Variants in JOSD1 observed in about 807,000 individuals in gnomAD.
JOSD1 encodes the protein josephin-1.
A neutral mutation model predicts 24.3 loss-of-function variants in JOSD1; 11 were observed. The ratio of observed to expected loss-of-function variants is 0.45; its 90% CI spans 0.29 to 0.75. The LOEUF (loss-of-function observed/expected upper bound fraction) is 0.75. JOSD1 is among the 30% of genes least tolerant of loss of function. The pLI is 0.11. For synonymous variants in JOSD1, 106 were observed against 93.8 expected (o/e 1.13, Z -0.75); for missense variants, 184 against 253.5 (o/e 0.73, Z 1.86).
intron 2 of JOSD1, among the ~76,000 whole-genome samples, chr22:38,691,342 G>C (rs1356767945): frequency 6.8e-6 from 1 of 146,410 alleles, no homozygotes; most frequent in Non-Finnish European, 1.5e-5. Flanking sequence ...GGGTGATAGA[G>C]TAAGACCCTG....
chr22:38,688,818 A>G, intron 4 of JOSD1, 117 bp downstream of exon 4: 1 of 927,004 alleles, frequency 1.1e-6, no homozygotes, highest in South Asian at 1.6e-5. Flanking sequence ...AGGCAGGGAG[A>G]GAATCCAAGG....
chr22:38,687,978 C>T lies in JOSD1; in HGVS notation c.533G>A (p.Arg178Gln), dbSNP rs376164340. 1.2e-5 allele frequency: 20 copies of T among 1,613,390 alleles called. No individual in the cohort carries two copies. The highest frequency in any genetic ancestry group is 2.2e-5 in the East Asian group (1 of 44,890). ...ELRKFLKHHLRGKNCELLLVV... is the reference protein window; with the variant it reads ...ELRKFLKHHLQGKNCELLLVV... ...CAGCAGGAGTTCACAGTTCTTTCCT[C>T]GCAAATGATGTTTTAGAAACTTCCT... The change falls in exon 5 of 5, where the codon CGA becomes CAA. Residue 178 changes from arginine (R) to glutamine (Q), a missense_variant. Transcript: ENST00000683374.
intron 2 of JOSD1, among the ~76,000 whole-genome samples, chr22:38,689,665 C>A (rs985435372): frequency 6.6e-6 from 1 of 152,138 alleles, no homozygotes; most frequent in Non-Finnish European, 1.5e-5. Flanking sequence ...GATTTTCCTG[C>A]CTCATGCAAG....
intron 4 of JOSD1, 28 bp downstream of exon 4, chr22:38,688,907 C>T: frequency 1.9e-6 from 3 of 1,594,120 alleles, no homozygotes; most frequent in Non-Finnish European, 2.6e-6. Context: ...AGCAGCCTAG[C>T]AACTTAGTCA....
intron 4 of JOSD1, among the ~76,000 whole-genome samples, chr22:38,688,339 T>C (rs2092507085): frequency 6.6e-6 from 1 of 152,228 alleles, no homozygotes; most frequent in South Asian, 2.1e-4. Context: ...CTCGGCTCAC[T>C]GCAACCTCTG....
At chr22:38,689,455 T>C in intron 2 of JOSD1, 31 bp from the exon 3 acceptor site, 1 of 1,612,808 alleles carries the variant, frequency 6.2e-7, no homozygotes, top group Non-Finnish European at 8.5e-7. Context: ...GGGCTGAGAC[T>C]TGCTGGATGC....
intron 2 of JOSD1, among the ~76,000 whole-genome samples, chr22:38,691,006 C>G (rs2092519511): frequency 1.3e-5 from 2 of 152,104 alleles, no homozygotes; most frequent in African/African-American, 4.8e-5. Context: ...ACCACTGCAT[C>G]CAGCCTGGGT....
intron 1 of JOSD1, 83 bp downstream of exon 1, chr22:38,700,717 G>C: frequency 2.0e-6 from 2 of 977,276 alleles, no homozygotes; most frequent in Non-Finnish European, 1.2e-6. Context: ...GCGGCGAAGG[G>C]CTGGCCCGCG....
Position 38,689,352 on chromosome 22 carries a change from G to A in JOSD1, c.258C>T (p.Val86=), listed in dbSNP as rs762295598. The part of the protein sequence containing the change: ...MLGNGNYDVN[V]IMAALQTKGY... ...CTTTGGTCTGAAGTGCTGCCATAAT[G>A]ACATTCACATCGTAGTTGCCATTTC... The change falls in exon 3 of 5, where the codon GTC becomes GTT. Residue 86 remains valine (V), a synonymous_variant. Coordinates refer to ENST00000683374, the MANE Select transcript of JOSD1 (RefSeq NM_001360236.2). 4 of 1,614,224 alleles carry A rather than the reference G, an allele frequency of 2.5e-6. No homozygotes were observed. Among genetic ancestry groups the A allele is most frequent in the Non-Finnish European group, 3.4e-6 (4 of 1,180,044 alleles).
Position 38,689,104 on chromosome 22 carries a change from T to C in JOSD1, c.340A>G (p.Asn114Asp). 1 of 1,613,968 alleles carries C rather than the reference T, an allele frequency of 6.2e-7. No individual in the cohort carries two copies. Among genetic ancestry groups the C allele is most frequent in the Non-Finnish European group, 8.5e-7 (1 of 1,179,946 alleles). ...AGATTCATGATGAAGCCCATGACGT[T>C]AGTGAGGGCAATGACACCGACATCC... ...RRDVGVIALT[N>D]VMGFIMNLPS... is the part of the protein sequence containing the mutation. Residue 114 changes from asparagine (N) to aspartate (D), a missense_variant, in exon 4 of 5, where the codon AAC becomes GAC. By Grantham distance (23) the Asn-to-Asp change is conservative. Coordinates refer to ENST00000683374, the MANE Select transcript of JOSD1 (RefSeq NM_001360236.2).
chr22:38,694,403 T>C (rs1279306510), intron 2 of JOSD1, among the ~76,000 whole-genome samples: 1 of 152,198 alleles, frequency 6.6e-6, no homozygotes, highest in Non-Finnish European at 1.5e-5. Context: ...CTGAGTTCCA[T>C]GGGATCCTGA....
intron 2 of JOSD1, among the ~76,000 whole-genome samples, chr22:38,698,028 A>T (rs1209256877): frequency 1.3e-5 from 2 of 152,224 alleles, no homozygotes; most frequent in East Asian, 3.8e-4. Flanking sequence ...TTGTTGCAAG[A>T]TTGTTCATAC....
At chr22:38,696,240 CCT>C (rs1491200808) in intron 2 of JOSD1, among the ~76,000 whole-genome samples, 7 of 151,312 alleles carry the variant, frequency 4.6e-5, no homozygotes, top group African/African-American at 1.2e-4. Flanking sequence ...TTATACCCCC[CCT>C]TTTTTTTTTT....
intron 2 of JOSD1, among the ~76,000 whole-genome samples, chr22:38,697,299 AC>A (rs1246569008): frequency 6.6e-6 from 1 of 152,216 alleles, no homozygotes; most frequent in Non-Finnish European, 1.5e-5. Flanking sequence ...AATATAAAAT[AC>A]TCTACACAGA....
chr22:38,700,471 G>A lies in JOSD1; in HGVS notation c.-484C>T, dbSNP rs2145822194. The A allele has an allele frequency of 3.0e-6, 3 of 986,412 alleles. No individual in the cohort carries two copies. The highest frequency in any genetic ancestry group is 4.7e-5 in the South Asian group (1 of 21,486). 61.1% of individuals were successfully genotyped at this position (986,412 alleles called of 1,614,324 possible). ...TGGGTGACGGATAAATTTAGCGCACGAGTCGAGTAGCTAGCGCGGGCCGGC... is the reference window on the plus strand; with the variant it reads ...TGGGTGACGGATAAATTTAGCGCACAAGTCGAGTAGCTAGCGCGGGCCGGC... On this transcript the variant is annotated 5_prime_UTR_variant, in exon 2 of 5. Coordinates refer to ENST00000683374, the MANE Select transcript of JOSD1 (RefSeq NM_001360236.2).
chr22:38,691,348 C>A (rs1368139365), intron 2 of JOSD1, among the ~76,000 whole-genome samples: 2 of 149,972 alleles, frequency 1.3e-5, no homozygotes, highest in Non-Finnish European at 3.0e-5. Context: ...TAGAGTAAGA[C>A]CCTGTCTCAA....
At chr22:38,688,391 C>T (rs1394323716) in intron 4 of JOSD1, among the ~76,000 whole-genome samples, 2 of 152,102 alleles carry the variant, frequency 1.3e-5, no homozygotes, top group South Asian at 4.1e-4. Context: ...GCCTCCTGAC[C>T]AGCTGGGATT....
intron 2 of JOSD1, 60 bp downstream of exon 2, chr22:38,699,742 GC>G: frequency 6.6e-7 from 1 of 1,510,208 alleles, no homozygotes; most frequent in Non-Finnish European, 9.2e-7. Context: ...CTGAGACACT[GC>G]CCCACCCACA....
In JOSD1 at chr22:38,699,871, G is replaced by A. The variant is rs779422868; in HGVS notation, c.117C>T (p.His39=). 3 of 1,614,218 alleles carry A rather than the reference G, an allele frequency of 1.9e-6. No individual in the cohort carries two copies. Among genetic ancestry groups the A allele is most frequent in the Non-Finnish European group, 2.5e-6 (3 of 1,180,038 alleles). Residue 39 remains histidine, a synonymous_variant, in exon 2 of 5, where the codon CAC becomes CAT. Coordinates refer to ENST00000683374, the MANE Select transcript of JOSD1 (RefSeq NM_001360236.2). The part of the protein sequence containing the change: ...EKQRRELCAL[H]ALNNVFQDSN... The stretch of plus-strand genomic sequence containing the variant: ...TGTCCTGGAAGACGTTATTGAGGGC[G>A]TGGAGGGCACAAAGCTCCCTGCGCT...
Sources: gnomAD v4.1 joint callset for allele counts (sites outside exome capture counted in the v4.1 genomes callset) on GRCh38, gnomAD v4.1.1 for gene constraint, MANE v1.5 for transcripts, NCBI Gene and HGNC (gene_info 2026-07-23, HGNC 2026-07-21) for gene names.